The following COL18A1 variants were observed in gnomAD, a reference collection of about 807,000 sequenced individuals.
The protein encoded by COL18A1 is collagen type XVIII alpha 1 chain, also known as collagen alpha-1(XVIII) chain.
Under a neutral mutation model 168.0 loss-of-function variants are expected in COL18A1, and 133 were observed. The ratio of observed to expected loss-of-function variants is 0.79; its 90% CI spans 0.69 to 0.91. The LOEUF (loss-of-function observed/expected upper bound fraction) is 0.91. COL18A1 is among the 40% of genes least tolerant of loss of function. COL18A1 has a pLI of 0.00. For missense variants in COL18A1, 2,126 were observed against 1,925.4 expected (o/e 1.10, Z -1.95); for synonymous variants, 949 against 809.0 (o/e 1.17, Z -2.94).
chr21:45,512,463 G>T lies in COL18A1; in HGVS notation c.*65G>T, dbSNP rs1228915082. 1.5e-5 allele frequency: 22 copies of T among 1,512,858 alleles called. No individual in the cohort carries two copies. The highest frequency in any genetic ancestry group is 2.0e-5 in the Non-Finnish European group (22 of 1,111,532). 93.7% of individuals were successfully genotyped at this position (1,512,858 alleles called of 1,614,324 possible). On this transcript the variant is annotated 3_prime_UTR_variant, in exon 42 of 42. Transcript: ENST00000651438. The stretch of plus-strand genomic sequence containing the variant: ...TCGGAGGAAGCCCCCACCGTGGGCA[G>T]GGAGCGGCCGGCCAGCCCCTGGCCC...
rs150870283 is a variant in COL18A1 at position 45,444,569 on chromosome 21, G to A, written c.107-23673G>A. On this transcript the variant is annotated intron_variant, in intron 2 of 41. Transcript: ENST00000651438. ...CAGTGCTGTGGACAGAGGAGCCCTC[G>A]ATAAATGCCAGCTGCGAGCACCGGG... Among the ~76,000 whole-genome samples, 518 of 152,230 alleles carry A rather than the reference G, an allele frequency of 3.4e-3. 3 individuals carry two copies. Among genetic ancestry groups the A allele is most frequent in the African/African-American group, 0.012 (498 of 41,552 alleles).
chr21:45,476,870 G>T (rs903619044), intron 6 of COL18A1, among the ~76,000 whole-genome samples: 4 of 151,424 alleles, frequency 2.6e-5, no homozygotes, highest in African/African-American at 9.7e-5. Context: ...TTGTGTGTAT[G>T]TGTGTGATGT....
Position 45,490,275 on chromosome 21 carries a change from G to A in COL18A1, c.1960G>A (p.Gly654Arg), listed in dbSNP as rs1288985094. The A allele has an allele frequency of 2.5e-6, 4 of 1,581,308 alleles. No individual in the cohort carries two copies. Among genetic ancestry groups the A allele is most frequent in the Admixed American group, 3.6e-5 (2 of 55,174 alleles). Residue 654 changes from glycine to arginine, a missense_variant and splice_region_variant, in exon 20 of 42, where the codon GGA (glycine) becomes AGA (arginine). Physicochemically the swap from Gly to Arg is moderately radical, Grantham distance 125. Coordinates refer to ENST00000651438, the MANE Select transcript of COL18A1 (RefSeq NM_001379500.1). ...TGCGTCCTCCATGTGACCCTTTCAG[G>A]GAGAAGTTGGAGCAGATGGAGTCCC... ...PGVPGLPGAK[G>R]EVGADGVPGF...
chr21:45,474,969 G>T (rs1313198631), intron 4 of COL18A1, among the ~76,000 whole-genome samples: 1 of 152,186 alleles, frequency 6.6e-6, no homozygotes, highest in Non-Finnish European at 1.5e-5. Context: ...GGTGCGGGGG[G>T]TCGCCGAGGC....
intron 4 of COL18A1, 32 bp from the exon 5 acceptor site, chr21:45,475,444 C>A: frequency 6.4e-7 from 1 of 1,567,738 alleles, no homozygotes; most frequent in Non-Finnish European, 8.7e-7. Context: ...TGGCTGCCAT[C>A]TCTCCAGCCT....
chr21:45,429,107 T>C (rs556504002), intron 2 of COL18A1, among the ~76,000 whole-genome samples: 4 of 152,118 alleles, frequency 2.6e-5, no homozygotes, highest in Non-Finnish European at 5.9e-5. Context: ...TTCATCATGT[T>C]GGCCAGGATG....
At position 45,421,252 on chromosome 21, in the gene COL18A1, A is replaced by C. The variant is rs74936357; in HGVS notation, c.106+15779A>C. The C allele has an allele frequency of 3.0e-5, 11 of 367,524 alleles. No homozygotes were observed. In the East Asian group the frequency reaches 8.1e-4, roughly 27 times the overall value. 22.8% of individuals were successfully genotyped at this position (367,524 alleles called of 1,614,324 possible). The stretch of plus-strand genomic sequence containing the variant: ...TAGGTGCTTGCTTTGAGCCCCTTGC[A>C]AAGGTGAAGCCAGATCTGGGATCCC... On this transcript the variant is annotated intron_variant, in intron 2 of 41. Coordinates refer to ENST00000651438, the MANE Select transcript of COL18A1 (RefSeq NM_001379500.1).
rs549779495 is a variant in COL18A1, at chr21:45,449,303, G to A, written c.107-18939G>A. On this transcript the variant is annotated intron_variant, in intron 2 of 41. Coordinates refer to ENST00000651438, the MANE Select transcript of COL18A1 (RefSeq NM_001379500.1). The stretch of plus-strand genomic sequence containing the variant: ...AGAAGAGGCAGGCTGCCCGCTGAGC[G>A]CCAGGCTGTGCTTGGCATTAATTTA... 3.3e-4 allele frequency among the ~76,000 whole-genome samples: 51 copies of A among 152,316 alleles called. No individual in the cohort carries two copies. In the South Asian group the frequency reaches 6.6e-3, roughly 20 times the overall value.
At chr21:45,506,301 G>C (rs540321328) in intron 37 of COL18A1, 15 of 374,066 alleles carry the variant, frequency 4.0e-5, no homozygotes, top group South Asian at 2.4e-4. Flanking sequence ...GAGGCGGCAG[G>C]GGGGCTCAGG....
chr21:45,477,347 GCCGAGAGCAGAGCTGGGGCCAC>G lies in COL18A1; in HGVS notation c.929-60_929-39del, dbSNP rs1222653988. 9 of 1,378,386 alleles carry G rather than the reference GCCGAGAGCAGAGCTGGGGCCAC, an allele frequency of 6.5e-6. No homozygotes were observed. The African/African-American group carries it at 1.3e-4, about 20-fold the overall frequency. The allele number at this position is 1,378,386 out of a possible 1,614,324, so 85.4% of individuals were successfully genotyped here. The stretch of plus-strand genomic sequence containing the variant: ...TTGGGCTGCCGGGGCCGTCTGGGGT[GCCGAGAGCAGAGCTGGGGCCAC>G]CCGGGGGGCGTGACCGTGGCCACCT... On this transcript the variant is annotated intron_variant, in intron 6 of 41. Coordinates refer to ENST00000651438, the MANE Select transcript of COL18A1 (RefSeq NM_001379500.1).
In COL18A1 at chr21:45,498,441, C is replaced by T. The variant is rs774934710; in HGVS notation, c.2683+780C>T. ...TCTCGCCGCCACGGTCCCCTCTCGCCGCCAGGGTCCCCTCTCGCCGCCACG... is the reference window on the plus strand; with the variant it reads ...TCTCGCCGCCACGGTCCCCTCTCGCTGCCAGGGTCCCCTCTCGCCGCCACG... On this transcript the variant is annotated intron_variant, in intron 32 of 41. Transcript: ENST00000651438. The surrounding 1 kb of genome is among the most constrained non-coding windows in gnomAD (Gnocchi z 4.5). The T allele has an allele frequency of 5.6e-4, 390 of 695,604 alleles. No homozygotes were observed. The highest frequency in any genetic ancestry group is 8.5e-4 in the Non-Finnish European group (317 of 371,674). 43.1% of individuals were successfully genotyped at this position (695,604 alleles called of 1,614,324 possible).
At chr21:45,431,851 G>A (rs1045217573) in intron 2 of COL18A1, among the ~76,000 whole-genome samples, 1 of 152,176 alleles carries the variant, frequency 6.6e-6, no homozygotes, top group Non-Finnish European at 1.5e-5. Context: ...GGGGTACAGC[G>A]GGGGTACCAG....
chr21:45,500,131 GGGT>G (rs2036691836), intron 32 of COL18A1, among the ~76,000 whole-genome samples: 1 of 127,096 alleles, frequency 7.9e-6, no homozygotes, highest in African/African-American at 3.1e-5. Context: ...GTGGGGGTGT[GGGT>G]GGAGTGTGGA....
At chr21:45,410,332 C>T (rs1043060290) in intron 2 of COL18A1, among the ~76,000 whole-genome samples, 4 of 152,216 alleles carry the variant, frequency 2.6e-5, no homozygotes, top group African/African-American at 4.8e-5. Context: ...GGCTGGGTGG[C>T]GGTTTGGCTC....
chr21:45,491,115 C>A, intron 21 of COL18A1, 110 bp from the exon 22 acceptor site: 1 of 1,018,922 alleles, frequency 9.8e-7, no homozygotes, highest in African/African-American at 1.6e-5. Context: ...GCCCCGGGCG[C>A]CTCCTCACCC....
At position 45,509,434 on chromosome 21, in the gene COL18A1, C is replaced by T. The variant is rs2037439756; in HGVS notation, c.3328C>T (p.His1110Tyr). Reference protein sequence around the residue: ...SNPYPRREHPHPTARPWRADD... With the variant: ...SNPYPRREHPYPTARPWRADD... ...CCCCTACCCGCGGCGGGAGCACCCCCACCCCACCGCGCGGCCCTGGCGGGC... is the reference window on the plus strand; with the variant it reads ...CCCCTACCCGCGGCGGGAGCACCCCTACCCCACCGCGCGGCCCTGGCGGGC... The change falls in exon 39 of 42, where the codon CAC becomes TAC. Residue 1110 changes from histidine to tyrosine, a missense_variant. By Grantham distance (83) the His-to-Tyr change is moderately conservative (BLOSUM62 2). Transcript: ENST00000651438. 6.5e-7 allele frequency: 1 copy of T among 1,533,676 alleles called. No individual in the cohort carries two copies. The highest frequency in any genetic ancestry group is 1.4e-5 in the African/African-American group (1 of 72,900).
chr21:45,506,770 ACCCTCCCACCTTCCCTCTGGAG>A (rs748750427), intron 37 of COL18A1: 8,962 of 47,434 alleles, frequency 0.19, 324 homozygotes, highest in Admixed American at 0.32. Context: ...TCCCTCTGGA[ACCCTCCCACCTTCCCTCTGGAG>A]CCCTCCCACC....
chr21:45,483,174 G>C (rs2035959217), intron 15 of COL18A1, among the ~76,000 whole-genome samples: 1 of 152,218 alleles, frequency 6.6e-6, no homozygotes, highest in African/African-American at 2.4e-5. Flanking sequence ...GGAGGGGCTG[G>C]GCCACAGCAG....
intron 24 of COL18A1, 141 bp from the exon 25 acceptor site, chr21:45,493,022 G>A (rs970865278): frequency 1.1e-6 from 1 of 875,590 alleles, no homozygotes; most frequent in East Asian, 2.6e-5. Flanking sequence ...TGTCCAGAGT[G>A]AGGCTGGGGC....
Sources: allele counts gnomAD v4.1 joint callset (sites outside exome capture counted in the v4.1 genomes callset), GRCh38; gene constraint gnomAD v4.1.1; non-coding constraint Gnocchi (gnomAD v3.1); transcripts MANE v1.5; gene names NCBI Gene and HGNC (gene_info 2026-07-23, HGNC 2026-07-21).